Variants in LIMS2 observed in about 807,000 individuals in gnomAD.
LIMS2 encodes the protein LIM and senescent cell antigen-like-containing domain protein 2.
LIMS2 carries 30 observed loss-of-function variants against 45.3 expected under a neutral mutation model. That is an observed-to-expected ratio of 0.66 (90% CI 0.50 to 0.90). The LOEUF is 0.90. Ranked by LOEUF, LIMS2 falls within the 40% of genes least tolerant of loss-of-function variation. The probability of loss-of-function intolerance (pLI) is 0.00; values close to 1 mark genes in which losing one functional copy is unlikely to be tolerated. For missense variants in LIMS2, 485 were observed against 468.7 expected (o/e 1.03, Z -0.32); for synonymous variants, 173 against 188.0 (o/e 0.92, Z 0.65).
intron 4 of LIMS2, among the ~76,000 whole-genome samples, chr2:127,649,636 C>G (rs1683492798): frequency 6.6e-6 from 1 of 152,220 alleles, no homozygotes; most frequent in Non-Finnish European, 1.5e-5. Flanking sequence ...GTTTGGGACC[C>G]TCACTCTCCT....
intron 1 of LIMS2, among the ~76,000 whole-genome samples, chr2:127,663,012 T>C (rs1486078110): frequency 6.6e-6 from 1 of 152,232 alleles, no homozygotes; most frequent in Non-Finnish European, 1.5e-5. Context: ...ACAAAGGACA[T>C]GAACCAGAAG....
chr2:127,642,362 G>C lies in LIMS2; in HGVS notation c.510-163C>G, dbSNP rs565592137. The C allele has an allele frequency of 1.2e-3, 894 of 765,310 alleles. No individual in the cohort carries two copies. The highest frequency in any genetic ancestry group is 1.7e-3 in the Non-Finnish European group (841 of 502,426). 47.4% of individuals were successfully genotyped at this position (765,310 alleles called of 1,614,324 possible). A position where few individuals can be genotyped will look rare whatever the true frequency, so the allele number is the denominator to read the frequency against. ...TCTCTGGGCACTTTGAAGACTTCCTGTGCCCCAGACAGGCCCTGGAGCACA... is the reference window on the plus strand; with the variant it reads ...TCTCTGGGCACTTTGAAGACTTCCTCTGCCCCAGACAGGCCCTGGAGCACA... On this transcript the variant is annotated intron_variant, in intron 5 of 9. Transcript: ENST00000355119. The surrounding 1 kb of genome is among the most constrained non-coding windows in gnomAD (Gnocchi z 5.3).
At chr2:127,651,850 G>A in intron 4 of LIMS2, 1 of 1,187,842 alleles carries the variant, frequency 8.4e-7, no homozygotes, top group Non-Finnish European at 1.2e-6. Flanking sequence ...TCCCCAGCAA[G>A]CAACCTGAAA....
Position 127,642,911 on chromosome 2 carries a change from C to T in LIMS2, c.509+12G>A, listed in dbSNP as rs771598982. 3.2e-6 allele frequency: 5 copies of T among 1,556,256 alleles called. No individual in the cohort carries two copies. The African/African-American group carries it at 4.1e-5, about 13-fold the overall frequency. ...CCGCCCCCACAACTGCAGGGCCGGG[C>T]TGCGCACCTACCCACAGTGGGTGCA... On this transcript the variant is annotated intron_variant, in intron 5 of 9. Coordinates refer to ENST00000355119, the MANE Select transcript of LIMS2 (RefSeq NM_001161403.3). The surrounding 1 kb of genome is among the most constrained non-coding windows in gnomAD (Gnocchi z 5.3).
chr2:127,639,076 C>T lies in LIMS2; in HGVS notation c.*205G>A, dbSNP rs1253405344. 2 of 593,128 alleles carry T rather than the reference C, an allele frequency of 3.4e-6. No individual in the cohort carries two copies. The highest frequency in any genetic ancestry group is 5.9e-6 in the Non-Finnish European group (2 of 341,604). 36.7% of individuals were successfully genotyped at this position (593,128 alleles called of 1,614,324 possible). On this transcript the variant is annotated 3_prime_UTR_variant, in exon 10 of 10. Coordinates refer to ENST00000355119, the MANE Select transcript of LIMS2 (RefSeq NM_001161403.3). The stretch of plus-strand genomic sequence containing the variant: ...TAGGCTCCCACTCCCCAGCTCCTGC[C>T]TCCTCACAGACAGAAGCCACGGCCA...
Position 127,654,158 on chromosome 2 carries a change from TGGGGTGGCCAGG to T in LIMS2, c.359+254_359+265del, listed in dbSNP as rs371654580. ...AAGGTGGACAGGTGGGGTCAGTAGA[TGGGGTGGCCAGG>T]GGGGTGGCAGAGTGTGAGGATTTCT... is the stretch of plus-strand genomic sequence containing the variant. On this transcript the variant is annotated intron_variant, in intron 4 of 9. Coordinates refer to ENST00000355119, the MANE Select transcript of LIMS2 (RefSeq NM_001161403.3). Among the ~76,000 whole-genome samples, 7 of 151,732 alleles carry T rather than the reference TGGGGTGGCCAGG, an allele frequency of 4.6e-5. 1 individual carries two copies. The highest frequency in any genetic ancestry group is 1.7e-4 in the African/African-American group (7 of 41,336).
At position 127,675,362 on chromosome 2, in the gene LIMS2, T is replaced by C. The variant is rs1685466040; in HGVS notation, c.-338A>G. The C allele has an allele frequency of 4.4e-5, 1 of 22,634 alleles. No individual in the cohort carries two copies. Among genetic ancestry groups the C allele is most frequent in the Non-Finnish European group, 8.6e-5 (1 of 11,618 alleles). 1.4% of individuals were successfully genotyped at this position (22,634 alleles called of 1,614,324 possible). On this transcript the variant is annotated 5_prime_UTR_variant, in exon 1 of 10. Coordinates refer to ENST00000355119, the MANE Select transcript of LIMS2 (RefSeq NM_001161403.3). ...TGGGGGTTAAAGGTGGGGCTGACGG[T>C]GGGGTTGGAGGGGTGAGAGTGAGGC...
At chr2:127,661,047 G>T (rs1457107236) in intron 1 of LIMS2, among the ~76,000 whole-genome samples, 3 of 152,254 alleles carry the variant, frequency 2.0e-5, no homozygotes. Context: ...CAAGAGCAAA[G>T]ACGGGACAGA....
At chr2:127,644,096 T>A in intron 4 of LIMS2, 1 of 456,524 alleles carries the variant, frequency 2.2e-6, no homozygotes. Flanking sequence ...CTGGACTCCA[T>A]CCTGCACAGC....
At chr2:127,649,157 G>GAGGAAGGT (rs1363629913) in intron 4 of LIMS2, among the ~76,000 whole-genome samples, 3 of 73,862 alleles carry the variant, frequency 4.1e-5, no homozygotes, top group East Asian at 5.6e-4. Flanking sequence ...GTGAGAGAGA[G>GAGGAAGGT]AGGAAGGTAG....
At chr2:127,640,826 C>A (rs1682328238) in intron 7 of LIMS2, 70 bp downstream of exon 7, 1 of 1,410,154 alleles carries the variant, frequency 7.1e-7, no homozygotes, top group Admixed American at 1.7e-5. Flanking sequence ...CCACAGCCTC[C>A]CTTGCTCACG....
Position 127,657,563 on chromosome 2 carries a change from C to A in LIMS2, c.12-1G>T. The stretch of plus-strand genomic sequence containing the variant: ...GTTGGCCAAGGCGTCCGACATATTG[C>A]TGGGGGCAGGAGACAGGAGGAGTGA... On this transcript the variant is annotated splice_acceptor_variant, in intron 1 of 9. Transcript: ENST00000355119. LOFTEE classifies it high-confidence loss of function. The A allele has an allele frequency of 6.3e-7, 1 of 1,594,782 alleles. No individual in the cohort carries two copies. The highest frequency in any genetic ancestry group is 8.5e-7 in the Non-Finnish European group (1 of 1,170,118).
At chr2:127,663,509 A>C (rs1162294688) in intron 1 of LIMS2, among the ~76,000 whole-genome samples, 1 of 152,068 alleles carries the variant, frequency 6.6e-6, no homozygotes, top group East Asian at 1.9e-4. Flanking sequence ...TTCCCTGACC[A>C]CACACAAGGA....
intron 1 of LIMS2, among the ~76,000 whole-genome samples, chr2:127,658,740 C>G (rs1300545209): frequency 6.6e-6 from 1 of 152,236 alleles, no homozygotes; most frequent in Admixed American, 6.5e-5. Context: ...CAAGTGTCAA[C>G]TCCAGTGGAT....
At chr2:127,649,829 G>A in intron 4 of LIMS2, 1 of 598,312 alleles carries the variant, frequency 1.7e-6, no homozygotes, top group Non-Finnish European at 2.9e-6. Context: ...GCCTCTCTGG[G>A]GCTGCAGATC....
rs371215978 is a variant in LIMS2, at chr2:127,664,034, C to G, written c.12-6472G>C. ...TAAAGTGCAGCATGATCACCCCCGT[C>G]TGAAAGCAGTGCTGGGGGCTACACA... is the stretch of plus-strand genomic sequence containing the variant. On this transcript the variant is annotated intron_variant, in intron 1 of 9. Transcript: ENST00000355119. This position sits in a 1 kb window ranked among gnomAD's most constrained non-coding sequence, Gnocchi z 5.5. Among the ~76,000 whole-genome samples the G allele has an allele frequency of 1.1e-4, 17 of 152,348 alleles. No homozygotes were observed. In the South Asian group the frequency reaches 3.1e-3, roughly 28 times the overall value.
chr2:127,658,123 C>T (rs1684383052), intron 1 of LIMS2, among the ~76,000 whole-genome samples: 1 of 152,212 alleles, frequency 6.6e-6, no homozygotes, highest in African/African-American at 2.4e-5. Context: ...CAGAATGGCT[C>T]AAGCCTGTCA....
chr2:127,663,117 C>T (rs1276982081), intron 1 of LIMS2, among the ~76,000 whole-genome samples: 1 of 152,168 alleles, frequency 6.6e-6, no homozygotes, highest in Non-Finnish European at 1.5e-5. Flanking sequence ...TGCATCTCAG[C>T]TGTGGTATCA....
At chr2:127,650,870 T>C (rs1191510621) in intron 4 of LIMS2, 7 of 1,614,108 alleles carry the variant, frequency 4.3e-6, no homozygotes, top group Non-Finnish European at 5.9e-6. Flanking sequence ...TTATCCTGGC[T>C]TTAGTTGGCA....
Sources: allele counts gnomAD v4.1 joint callset (sites outside exome capture counted in the v4.1 genomes callset), GRCh38; gene constraint gnomAD v4.1.1; non-coding constraint Gnocchi (gnomAD v3.1); transcripts MANE v1.5; gene names NCBI Gene and HGNC (gene_info 2026-07-23, HGNC 2026-07-21).